The following INPP4B variants were observed in gnomAD, a reference collection of about 807,000 sequenced individuals.
INPP4B encodes inositol polyphosphate 4-phosphatase type II.
INPP4B carries 55 observed loss-of-function variants against 122.5 expected under a neutral mutation model. That is an observed-to-expected ratio of 0.45 (90% CI 0.36 to 0.56). The LOEUF (loss-of-function observed/expected upper bound fraction) is 0.56, where lower values mean the gene tolerates loss of function less well. INPP4B is among the 20% of genes least tolerant of loss of function. The pLI is 0.00. For missense variants in INPP4B, 1,000 were observed against 1,097.7 expected, an observed-to-expected ratio of 0.91 and a Z score of 1.26; for synonymous variants, 403 against 388.7, an observed-to-expected ratio of 1.04 and a Z score of -0.43.
chr4:142,518,088 T>C (rs941509467), intron 2 of INPP4B, among the ~76,000 whole-genome samples: 1 of 152,180 alleles, frequency 6.6e-6, no homozygotes, highest in African/African-American at 2.4e-5. Flanking sequence ...TACAATTTCA[T>C]AGAGCAATGG....
At chr4:142,793,044 C>G (rs1776767740) in intron 1 of INPP4B, among the ~76,000 whole-genome samples, 1 of 151,878 alleles carries the variant, frequency 6.6e-6, no homozygotes, top group Non-Finnish European at 1.5e-5. Flanking sequence ...TTGACTATCC[C>G]AAGATACCCT....
intron 23 of INPP4B, among the ~76,000 whole-genome samples, chr4:142,102,704 C>T (rs766030739): frequency 9.2e-5 from 14 of 152,026 alleles, no homozygotes; most frequent in Non-Finnish European, 1.5e-4. Context: ...AGCCAGAGGA[C>T]TACATTTACA....
At chr4:142,243,218 G>T (rs1860403412) in intron 11 of INPP4B, among the ~76,000 whole-genome samples, 1 of 152,170 alleles carries the variant, frequency 6.6e-6, no homozygotes, top group Non-Finnish European at 1.5e-5. Context: ...TCACTGTTTT[G>T]CCTATATTGT....
intron 2 of INPP4B, among the ~76,000 whole-genome samples, chr4:142,463,543 G>A (rs955901964): frequency 2.0e-5 from 3 of 152,092 alleles, no homozygotes; most frequent in African/African-American, 7.2e-5. Context: ...CTATAATAAA[G>A]CATGACTATG....
intron 2 of INPP4B, among the ~76,000 whole-genome samples, chr4:142,547,098 T>C (rs1025873148): frequency 2.0e-5 from 3 of 151,750 alleles, no homozygotes; most frequent in East Asian, 1.9e-4. Flanking sequence ...GCAATACATA[T>C]GTTGTTTATT....
intron 7 of INPP4B, among the ~76,000 whole-genome samples, chr4:142,400,196 C>T (rs1801149834): frequency 6.6e-6 from 1 of 152,078 alleles, no homozygotes; most frequent in African/African-American, 2.4e-5. Flanking sequence ...CGGTTATCTC[C>T]AAGTAATAAG....
chr4:142,397,227 A>G (rs1799639988), intron 7 of INPP4B, among the ~76,000 whole-genome samples: 1 of 152,200 alleles, frequency 6.6e-6, no homozygotes, highest in South Asian at 2.1e-4. Flanking sequence ...CTATGTCACA[A>G]TGAAGACAGA....
intron 8 of INPP4B, among the ~76,000 whole-genome samples, chr4:142,308,873 C>A (rs562465324): frequency 1.3e-5 from 2 of 152,066 alleles, no homozygotes; most frequent in South Asian, 2.1e-4. Flanking sequence ...GGCTCTAAAT[C>A]AGTTATTCTG....
intron 18 of INPP4B, among the ~76,000 whole-genome samples, chr4:142,138,185 A>G (rs1387261981): frequency 2.0e-5 from 3 of 151,830 alleles, no homozygotes; most frequent in African/African-American, 7.3e-5. Flanking sequence ...GCACATATAC[A>G]CCATGGGATA....
chr4:142,185,675 AG>A (rs1832872613), intron 15 of INPP4B, among the ~76,000 whole-genome samples: 3 of 151,680 alleles, frequency 2.0e-5, no homozygotes, highest in Non-Finnish European at 4.4e-5. Context: ...GTCAGGAGAC[AG>A]AGACCATCCT....
At chr4:142,130,736 G>A (rs897362368) in intron 18 of INPP4B, among the ~76,000 whole-genome samples, 2 of 152,098 alleles carry the variant, frequency 1.3e-5, no homozygotes, top group Admixed American at 1.3e-4. Context: ...ATGATCCAAG[G>A]TAAATGACTG....
At chr4:142,112,748 TGGA>T (rs1178266391) in intron 21 of INPP4B, 66 bp from the exon 22 acceptor site, 1 of 1,498,604 alleles carries the variant, frequency 6.7e-7, no homozygotes, top group African/African-American at 1.4e-5. Context: ...TTAGATTTAT[TGGA>T]AGAAAACATT....
At chr4:142,749,525 G>A (rs908753322) in intron 1 of INPP4B, among the ~76,000 whole-genome samples, 2 of 151,292 alleles carry the variant, frequency 1.3e-5, no homozygotes, top group Non-Finnish European at 2.9e-5. Context: ...ATCGTTTTAA[G>A]AATCCATTTT....
At chr4:142,632,668 A>G (rs1036974146) in intron 2 of INPP4B, among the ~76,000 whole-genome samples, 47 of 152,072 alleles carry the variant, frequency 3.1e-4, no homozygotes, top group African/African-American at 1.0e-3. Flanking sequence ...TAAATACCCA[A>G]TGATAATAGC....
intron 7 of INPP4B, among the ~76,000 whole-genome samples, chr4:142,390,564 C>T (rs919875625): frequency 7.9e-5 from 12 of 152,076 alleles, no homozygotes; most frequent in African/African-American, 2.9e-4. Context: ...GCCCCTAAAA[C>T]ATTCAAAAGA....
At chr4:142,459,289 GAAAA>G (rs201442354) in intron 3 of INPP4B, among the ~76,000 whole-genome samples, 1 of 97,084 alleles carries the variant, frequency 1.0e-5, no homozygotes, top group Non-Finnish European at 2.5e-5. Flanking sequence ...ACAAACAAAT[GAAAA>G]AAAAAAAAAA....
At chr4:142,739,895 T>C (rs1767653264) in intron 1 of INPP4B, among the ~76,000 whole-genome samples, 1 of 152,058 alleles carries the variant, frequency 6.6e-6, no homozygotes, top group Admixed American at 6.6e-5. Flanking sequence ...TTATTGCTCT[T>C]ACTCTTCACA....
chr4:142,047,455 C>T (rs1407897891), intron 25 of INPP4B, among the ~76,000 whole-genome samples: 5 of 152,030 alleles, frequency 3.3e-5, no homozygotes, highest in Non-Finnish European at 7.4e-5. Context: ...TTTTCTTCAA[C>T]TCAGACTGTT....
In INPP4B at chr4:142,027,655, G is replaced by T. The variant is rs1198582151; in HGVS notation, c.*1127C>A. 6.6e-6 allele frequency: 1 copy of T among 152,160 alleles called. No homozygotes were observed. Among genetic ancestry groups the T allele is most frequent in the African/African-American group, 2.4e-5 (1 of 41,446 alleles). The allele number at this position is 152,160 out of a possible 1,614,324, so 9.4% of individuals were successfully genotyped here. A position where few individuals can be genotyped will look rare whatever the true frequency, so the allele number is the denominator to read the frequency against. On this transcript the variant is annotated 3_prime_UTR_variant, in exon 26 of 26. Transcript: ENST00000262992. ...AATTCAAATTCTGCAACTATCTCCT[G>T]AGTGATTGGGGGTGATTAACCTTAC...
Sources: allele counts gnomAD v4.1 joint callset (sites outside exome capture counted in the v4.1 genomes callset), GRCh38; gene constraint gnomAD v4.1.1; transcripts MANE v1.5; gene names NCBI Gene and HGNC (gene_info 2026-07-23, HGNC 2026-07-21).